Variants in ANKFN1 observed in about 807,000 individuals in gnomAD.
The protein encoded by ANKFN1 is ankyrin repeat and fibronectin type-III domain-containing protein 1.
In ANKFN1, 74 loss-of-function variants were observed where a neutral mutation model predicts 108.7. The observed-to-expected ratio is 0.68, with a 90% CI of 0.56 to 0.83. The LOEUF is 0.83. ANKFN1 is among the 40% of genes least tolerant of loss of function. The pLI, the probability that ANKFN1 is intolerant of heterozygous loss-of-function variation, is 0.00. For synonymous variants in ANKFN1, 547 were observed against 516.2 expected (o/e 1.06, Z -0.81); for missense variants, 1,505 against 1,382.3 (o/e 1.09, Z -1.41).
At chr17:56,272,906 GTT>G (rs1411953798) in intron 3 of ANKFN1, among the ~76,000 whole-genome samples, 2 of 152,140 alleles carry the variant, frequency 1.3e-5, no homozygotes, top group Non-Finnish European at 2.9e-5. Flanking sequence ...CTGGGAAAAT[GTT>G]TCTTCCATTT....
At chr17:56,097,183 A>G (rs994682504) in intron 4 of ANKFN1, among the ~76,000 whole-genome samples, 3 of 152,186 alleles carry the variant, frequency 2.0e-5, no homozygotes, top group South Asian at 2.1e-4. Flanking sequence ...CCAAACTCCT[A>G]TGACATGCAA....
chr17:56,049,380 G>A (rs568855376), intron 4 of ANKFN1, among the ~76,000 whole-genome samples: 76 of 130,840 alleles, frequency 5.8e-4, no homozygotes, highest in Non-Finnish European at 3.6e-4. Flanking sequence ...ATATAGAAGC[G>A]GGTTTGATAA....
At chr17:56,253,058 T>A (rs1046673146) in intron 3 of ANKFN1, among the ~76,000 whole-genome samples, 2 of 152,182 alleles carry the variant, frequency 1.3e-5, no homozygotes, top group African/African-American at 4.8e-5. Context: ...CGAGACCTTG[T>A]CTTCAAATAA....
chr17:56,134,999 A>T (rs1907513292), intron 4 of ANKFN1, among the ~76,000 whole-genome samples: 3 of 152,134 alleles, frequency 2.0e-5, no homozygotes, highest in Admixed American at 2.0e-4. Context: ...GGTATCATTC[A>T]TGCGGTGAAG....
At chr17:56,221,105 A>G (rs1915867296) in intron 2 of ANKFN1, among the ~76,000 whole-genome samples, 1 of 152,164 alleles carries the variant, frequency 6.6e-6, no homozygotes, top group Admixed American at 6.5e-5. Context: ...GGCAGGTCAC[A>G]TGGCCAGAGC....
chr17:56,205,677 A>G (rs1181119731), intron 1 of ANKFN1, among the ~76,000 whole-genome samples: 4 of 152,020 alleles, frequency 2.6e-5, no homozygotes, highest in Admixed American at 6.6e-5. Flanking sequence ...TAGCCAATTC[A>G]TTCTATTTTT....
intron 3 of ANKFN1, among the ~76,000 whole-genome samples, chr17:56,290,512 CCTT>C (rs919613537): frequency 2.1e-4 from 32 of 152,220 alleles, no homozygotes; most frequent in African/African-American, 7.7e-4. Flanking sequence ...AGTGATTTAA[CCTT>C]CTCTTAACAT....
intron 4 of ANKFN1, among the ~76,000 whole-genome samples, chr17:56,125,013 C>G (rs1001922550): frequency 1.3e-5 from 2 of 152,170 alleles, no homozygotes; most frequent in Admixed American, 1.3e-4. Context: ...TGCTCTTCTC[C>G]CCACTCTTCC....
At chr17:56,265,302 G>A (rs1407260547) in intron 3 of ANKFN1, among the ~76,000 whole-genome samples, 1 of 152,128 alleles carries the variant, frequency 6.6e-6, no homozygotes, top group East Asian at 1.9e-4. Context: ...ATGGCAGAAG[G>A]CAAAGGGGAA....
intron 4 of ANKFN1, among the ~76,000 whole-genome samples, chr17:56,344,039 T>C (rs1405645944): frequency 6.6e-6 from 1 of 151,986 alleles, no homozygotes; most frequent in Non-Finnish European, 1.5e-5. Flanking sequence ...AATATAAAGG[T>C]CTTTGTGTAG....
intron 4 of ANKFN1, among the ~76,000 whole-genome samples, chr17:56,115,261 C>T (rs1194927001): frequency 1.3e-5 from 2 of 152,118 alleles, no homozygotes; most frequent in Non-Finnish European, 2.9e-5. Context: ...TCTGCGGTGA[C>T]ATTGCTTGTA....
chr17:56,114,179 T>C (rs17212907), intron 4 of ANKFN1, among the ~76,000 whole-genome samples: 23,875 of 152,206 alleles, frequency 0.16, 2,046 homozygotes, highest in East Asian at 0.28. Flanking sequence ...AAAGATATAA[T>C]GAAGAATGAG....
At chr17:56,369,433 A>T (rs1021560428) in intron 6 of ANKFN1, among the ~76,000 whole-genome samples, 2 of 152,228 alleles carry the variant, frequency 1.3e-5, no homozygotes, top group Non-Finnish European at 2.9e-5. Context: ...TGTAAAAAAA[A>T]AATGCCCCCA....
At chr17:56,158,707 A>G (rs1018340819) in intron 1 of ANKFN1, among the ~76,000 whole-genome samples, 1 of 152,156 alleles carries the variant, frequency 6.6e-6, no homozygotes, top group African/African-American at 2.4e-5. Context: ...AAAATAAATG[A>G]TTTTTTTATA....
intron 11 of ANKFN1, among the ~76,000 whole-genome samples, chr17:56,452,149 C>T (rs2049509311): frequency 6.6e-6 from 1 of 152,088 alleles, no homozygotes; most frequent in Non-Finnish European, 1.5e-5. Context: ...TATTATTATC[C>T]AATTATTCAA....
intron 15 of ANKFN1, chr17:56,472,320 T>C (rs2050347062): frequency 6.6e-6 from 1 of 152,196 alleles, no homozygotes; most frequent in African/African-American, 2.4e-5. Flanking sequence ...CTAGCCACCA[T>C]TTTGTCACCT....
intron 3 of ANKFN1, among the ~76,000 whole-genome samples, chr17:56,247,988 A>G (rs981061104): frequency 6.6e-6 from 1 of 152,198 alleles, no homozygotes. Flanking sequence ...TGTCTAAACA[A>G]CATTTGAATG....
intron 6 of ANKFN1, among the ~76,000 whole-genome samples, chr17:56,370,911 T>G (rs537719391): frequency 1.9e-3 from 293 of 151,704 alleles, no homozygotes; most frequent in African/African-American, 6.7e-3. Flanking sequence ...ATATTGCCAA[T>G]TTTTCCACTG....
chr17:56,425,419 A>G lies in ANKFN1; in HGVS notation c.911-14908A>G, dbSNP rs539672963. Among the ~76,000 whole-genome samples the G allele has an allele frequency of 5.9e-5, 9 of 152,332 alleles. No homozygotes were observed. The South Asian group carries it at 1.9e-3, about 32-fold the overall frequency. Reference sequence around the variant, plus strand: ...TGACTCTCTCCAATTTTCCTCCTACAAAATATAAGAGAAATTTTCCTAAAA... The same window carrying G: ...TGACTCTCTCCAATTTTCCTCCTACGAAATATAAGAGAAATTTTCCTAAAA... On this transcript the variant is annotated intron_variant, in intron 8 of 20. Transcript: ENST00000682825.
Sources: allele counts gnomAD v4.1 joint callset (sites outside exome capture counted in the v4.1 genomes callset), GRCh38; gene constraint gnomAD v4.1.1; transcripts MANE v1.5; gene names NCBI Gene and HGNC (gene_info 2026-07-23, HGNC 2026-07-21).